The following CCDC77 variants were observed in gnomAD, a reference collection of about 807,000 sequenced individuals.
CCDC77 encodes coiled-coil domain-containing protein 77.
CCDC77 carries 56 observed loss-of-function variants against 66.8 expected under a neutral mutation model. The ratio of observed to expected loss-of-function variants is 0.84; its 90% CI spans 0.68 to 1.05. The LOEUF (loss-of-function observed/expected upper bound fraction) is 1.05. Ranked by LOEUF, CCDC77 falls within the 50% of genes least tolerant of loss-of-function variation. CCDC77 has a pLI of 0.00. For synonymous variants in CCDC77, 196 were observed against 195.2 expected, an observed-to-expected ratio of 1.00 and a Z score of -0.03; for missense variants, 570 against 576.8, an observed-to-expected ratio of 0.99 and a Z score of 0.12.
intron 9 of CCDC77, chr12:436,897 A>G (rs1002458745): frequency 3.9e-6 from 1 of 259,134 alleles, no homozygotes; most frequent in Non-Finnish European, 6.0e-6. Context: ...TGAGAAGATA[A>G]TGTAAGACAG....
At chr12:393,720 C>T (rs966011094) in intron 1 of CCDC77, among the ~76,000 whole-genome samples, 19 of 152,034 alleles carry the variant, frequency 1.2e-4, no homozygotes, top group Non-Finnish European at 2.5e-4. Context: ...TTAGTAGAGA[C>T]GGAGTTTTGC....
At chr12:418,821 C>T (rs1410897962) in intron 5 of CCDC77, 185 bp downstream of exon 5, 2 of 592,058 alleles carry the variant, frequency 3.4e-6, no homozygotes, top group Non-Finnish European at 5.9e-6. Flanking sequence ...GCCTCAGCCT[C>T]TCGAGTAGCT....
At chr12:407,594 G>A (rs1192652944) in intron 2 of CCDC77, among the ~76,000 whole-genome samples, 1 of 152,116 alleles carries the variant, frequency 6.6e-6, no homozygotes, top group East Asian at 1.9e-4. Flanking sequence ...CCAAGGCAAT[G>A]AGTAATGACC....
chr12:411,743 G>A lies in CCDC77; in HGVS notation c.39-4G>A, dbSNP rs371407974. ...ATGAATATATCATTTCTAATTTCAC[G>A]TAGGCGAACAGTTGTCTCCAAACGT... On this transcript the variant is annotated splice_region_variant and splice_polypyrimidine_tract_variant and intron_variant, in intron 3 of 12. Transcript: ENST00000239830. 1.6e-5 allele frequency: 25 copies of A among 1,608,014 alleles called. No homozygotes were observed. In the African/African-American group the frequency reaches 1.9e-4, roughly 12 times the overall value.
rs1945765418 is a variant in CCDC77, at chr12:436,684, T to C, written c.822-1651T>C. On this transcript the variant is annotated intron_variant, in intron 9 of 12. Transcript: ENST00000239830. The stretch of plus-strand genomic sequence containing the variant: ...ATATTTTAATATTGTCATAGTAATT[T>C]GTAATTTTATATCTGTTTTCCAGAA... 9.0e-6 allele frequency: 6 copies of C among 668,028 alleles called. No individual in the cohort carries two copies. The South Asian group carries it at 4.0e-4, about 45-fold the overall frequency. 41.4% of individuals were successfully genotyped at this position (668,028 alleles called of 1,614,324 possible).
intron 5 of CCDC77, among the ~76,000 whole-genome samples, chr12:425,077 C>T (rs529433546): frequency 1.3e-5 from 2 of 151,886 alleles, no homozygotes; most frequent in South Asian, 2.1e-4. Flanking sequence ...ACTACAGGCA[C>T]GAGCCAACAC....
intron 5 of CCDC77, among the ~76,000 whole-genome samples, chr12:428,020 A>G (rs1175884520): frequency 6.6e-6 from 1 of 152,126 alleles, no homozygotes; most frequent in African/African-American, 2.4e-5. Context: ...GTGTTTCCTC[A>G]TTGACCAGGC....
chr12:416,337 GTGTGGGGGTGTGTGTGT>G lies in CCDC77; in HGVS notation c.271-2156_271-2140del, dbSNP rs1565568931. 1.1e-3 allele frequency among the ~76,000 whole-genome samples: 51 copies of G among 45,180 alleles called. 3 individuals carry two copies. The East Asian group carries it at 0.022, about 19-fold the overall frequency. The allele number at this position is 45,180 out of a possible 152,430, so 29.6% of individuals were successfully genotyped here. ...TGTGTGTGTGTGTGAGTCTGTGGGT[GTGTGGGGGTGTGTGTGT>G]GTGTGTGTGTGTGTGTGTGTGTGTA... On this transcript the variant is annotated intron_variant, in intron 4 of 12. Coordinates refer to ENST00000239830, the MANE Select transcript of CCDC77 (RefSeq NM_032358.4).
chr12:399,307 G>A (rs1273721551), upstream of CCDC77, among the ~76,000 whole-genome samples: 1 of 152,118 alleles, frequency 6.6e-6, no homozygotes, highest in Non-Finnish European at 1.5e-5. Context: ...GAGTAGCTGG[G>A]ATTACAGGCA....
chr12:428,675 T>TAA (rs35713455), intron 5 of CCDC77, 94 bp from the exon 6 acceptor site: 7,500 of 656,632 alleles, frequency 0.011, 1 homozygote, highest in East Asian at 0.017. Context: ...ACAATTGTTT[T>TAA]AAAAAAAAAA....
chr12:433,590 C>T (rs771676902), intron 9 of CCDC77: 15 of 588,408 alleles, frequency 2.5e-5, no homozygotes, highest in Admixed American at 4.7e-5. Context: ...GTTCTTAGGC[C>T]GGGTGCAGTG....
rs529261109 is a variant in CCDC77 at position 392,438 on chromosome 12, G to A, written c.-113+2952G>A. ...TCTCAAACTGTTTTGGTGTCAGGAC[G>A]CCTTTACTCTTAAAAATTATTGAGG... is the stretch of plus-strand genomic sequence containing the variant. On this transcript the variant is annotated intron_variant, in intron 1 of 11. Coordinates refer to the CCDC77 transcript ENST00000422000. Among the ~76,000 whole-genome samples, 8 of 152,096 alleles carry A rather than the reference G, an allele frequency of 5.3e-5. No homozygotes were observed. In the East Asian group the frequency reaches 9.7e-4, roughly 18 times the overall value.
chr12:434,215 A>G (rs1408939080), intron 9 of CCDC77, among the ~76,000 whole-genome samples: 1 of 152,106 alleles, frequency 6.6e-6, no homozygotes, highest in Non-Finnish European at 1.5e-5. Flanking sequence ...AAAAATGGCA[A>G]ACTCTGTCCT....
In CCDC77 at chr12:415,629, GGTTTTTT is replaced by G. The variant is rs200512320; in HGVS notation, c.271-2849_271-2843del. Reference sequence around the variant, plus strand: ...TTATGTATGTATCTATAGACCTCTGGGTTTTTTGTTTTTTGTTTTTTGAGTTAGGGTC... The same window carrying G: ...TTATGTATGTATCTATAGACCTCTGGGTTTTTTGTTTTTTGAGTTAGGGTC... On this transcript the variant is annotated intron_variant, in intron 4 of 12. Coordinates refer to ENST00000239830, the MANE Select transcript of CCDC77 (RefSeq NM_032358.4). 1.3e-3 allele frequency among the ~76,000 whole-genome samples: 200 copies of G among 150,876 alleles called. 5 individuals are homozygous for G. The East Asian group carries it at 0.032, about 24-fold the overall frequency.
In CCDC77 at chr12:440,800, G is replaced by T. The variant is rs758622625; in HGVS notation, c.1168-44G>T. On this transcript the variant is annotated intron_variant, in intron 11 of 12. Transcript: ENST00000239830. ...GGAAGTGCAGATGGCTGGGGAAGAC[G>T]CTTCCCTCACCTTCGTAAATGCCTT... 3.3e-5 allele frequency: 53 copies of T among 1,612,886 alleles called. No individual in the cohort carries two copies. The East Asian group carries it at 1.2e-3, about 36-fold the overall frequency.
At chr12:389,571 C>CGAGGCGG (rs57308009) in intron 1 of CCDC77, 3,712 of 223,920 alleles carry the variant, frequency 0.017, 143 homozygotes, top group African/African-American at 0.058. Context: ...GGGCGAGGCG[C>CGAGGCGG]AACGAGGCGG....
chr12:406,528 T>C (rs1565563654), intron 2 of CCDC77, among the ~76,000 whole-genome samples: 1 of 152,224 alleles, frequency 6.6e-6, no homozygotes, highest in East Asian at 1.9e-4. Flanking sequence ...TTGTCGGCAA[T>C]TTTAAAGACC....
chr12:418,356 T>G, intron 4 of CCDC77, 138 bp from the exon 5 acceptor site: 1 of 743,418 alleles, frequency 1.3e-6, no homozygotes, highest in Admixed American at 2.6e-5. Flanking sequence ...ACATGCCTAT[T>G]GCTGTCATTT....
rs563139283 is a variant in CCDC77 at position 389,660 on chromosome 12, C to G, written c.-113+174C>G. The G allele has an allele frequency of 9.8e-5, 17 of 173,142 alleles. 1 individual carries two copies. The highest frequency in any genetic ancestry group is 3.3e-4 in the Admixed American group (5 of 15,254). The allele number at this position is 173,142 out of a possible 1,614,324, so 10.7% of individuals were successfully genotyped here. A position where few individuals can be genotyped will look rare whatever the true frequency, so the allele number is the denominator to read the frequency against. On this transcript the variant is annotated intron_variant, in intron 1 of 11. Transcript: ENST00000422000. ...GCCCCAGAGGGCAGAGGTTGTGCTTCCGGTGAGGAGGGTCCCTTTCCCTTT... is the reference window on the plus strand; with the variant it reads ...GCCCCAGAGGGCAGAGGTTGTGCTTGCGGTGAGGAGGGTCCCTTTCCCTTT...
Sources: gnomAD v4.1 joint callset for allele counts (sites outside exome capture counted in the v4.1 genomes callset) on GRCh38, gnomAD v4.1.1 for gene constraint, MANE v1.5 for transcripts, NCBI Gene and HGNC (gene_info 2026-07-23, HGNC 2026-07-21) for gene names.